Variants in RSF1 observed in about 807,000 individuals in gnomAD.
The protein encoded by RSF1 is remodeling and spacing factor 1.
RSF1 carries 13 observed loss-of-function variants against 145.2 expected under a neutral mutation model. The observed-to-expected ratio is 0.09, with a 90% CI of 0.06 to 0.14. RSF1 has a LOEUF of 0.14. Among genes scored for constraint, RSF1 ranks in the 10% least tolerant of loss-of-function variants. The probability of loss-of-function intolerance (pLI) is 1.00; values close to 1 mark genes in which losing one functional copy is unlikely to be tolerated. For synonymous variants in RSF1, 577 were observed against 592.6 expected (o/e 0.97, Z 0.38); for missense variants, 1,517 against 1,718.2 (o/e 0.88, Z 2.07).
Position 77,702,382 on chromosome 11 carries a change from C to T in RSF1, c.847G>A (p.Glu283Lys), listed in dbSNP as rs1277938303. ...ACTGGCAGTTTCACAAGTTCCTTTT[C>T]ATCTTCTTTTTCTTTTTTCACAGTA... Reference protein sequence around the residue: ...ETTVKKEKEDEKELVKLPVIV... With the variant: ...ETTVKKEKEDKKELVKLPVIV... The change falls in exon 6 of 16, where the codon GAA (glutamate) becomes AAA (lysine). Residue 283 changes from glutamate to lysine, a missense_variant. Transcript: ENST00000308488. 1 of 1,610,040 alleles carries T rather than the reference C, an allele frequency of 6.2e-7. No individual in the cohort carries two copies. The highest frequency in any genetic ancestry group is 8.5e-7 in the Non-Finnish European group (1 of 1,179,188).
intron 1 of RSF1, among the ~76,000 whole-genome samples, chr11:77,800,866 T>TAG (rs1442610390): frequency 6.6e-6 from 1 of 151,664 alleles, no homozygotes; most frequent in African/African-American, 2.4e-5. Context: ...TCTCTTCAAT[T>TAG]AGCTGAGTGT....
At chr11:77,814,133 G>A (rs1161631547) in intron 1 of RSF1, among the ~76,000 whole-genome samples, 1 of 151,858 alleles carries the variant, frequency 6.6e-6, no homozygotes, top group Non-Finnish European at 1.5e-5. Flanking sequence ...CCAGGAGGCA[G>A]AGGTTGTAGT....
At chr11:77,828,262 G>A in the RSF1 span, among the ~76,000 whole-genome samples, 8 of 151,192 alleles carry the variant, frequency 5.3e-5, no homozygotes, top group South Asian at 2.1e-4. Context: ...GTGACAGAGC[G>A]CAACTCTGTC....
the RSF1 span, among the ~76,000 whole-genome samples, chr11:77,846,450 C>T: frequency 6.6e-6 from 1 of 152,158 alleles, no homozygotes; most frequent in South Asian, 2.1e-4. Context: ...GAAACCCCAT[C>T]GTCTCCTCAA....
chr11:77,684,360 G>T (rs1381807681), intron 10 of RSF1, among the ~76,000 whole-genome samples: 1 of 152,020 alleles, frequency 6.6e-6, no homozygotes, highest in Non-Finnish European at 1.5e-5. Flanking sequence ...ACTAATAAAT[G>T]CAAAACAAAG....
intron 1 of RSF1, among the ~76,000 whole-genome samples, chr11:77,806,601 A>G (rs915115832): frequency 2.6e-5 from 4 of 152,086 alleles, no homozygotes; most frequent in Non-Finnish European, 5.9e-5. Flanking sequence ...AGATCACTTG[A>G]GTCCAGGAGT....
intron 11 of RSF1, among the ~76,000 whole-genome samples, chr11:77,678,910 G>C (rs1432567422): frequency 6.6e-6 from 1 of 152,144 alleles, no homozygotes; most frequent in Non-Finnish European, 1.5e-5. Context: ...TTCTAGAACC[G>C]CAAGAAATAA....
intron 5 of RSF1, among the ~76,000 whole-genome samples, chr11:77,709,183 C>A (rs1960621351): frequency 6.6e-6 from 1 of 152,144 alleles, no homozygotes; most frequent in African/African-American, 2.4e-5. Context: ...GGACTCTACT[C>A]AAGTACCAAC....
intron 4 of RSF1, among the ~76,000 whole-genome samples, chr11:77,732,640 C>T (rs1196176834): frequency 6.6e-5 from 10 of 152,104 alleles, no homozygotes; most frequent in Non-Finnish European, 1.3e-4. Flanking sequence ...ATGAGTCTCA[C>T]GAGATCTGAT....
the RSF1 span, among the ~76,000 whole-genome samples, chr11:77,855,712 T>G: frequency 8.5e-6 from 1 of 117,364 alleles, no homozygotes; most frequent in Non-Finnish European, 1.6e-5. Flanking sequence ...TAAGTTCCAG[T>G]TTTATGTCTT....
chr11:77,668,060 C>T (rs1959417733), intron 15 of RSF1, among the ~76,000 whole-genome samples: 1 of 150,484 alleles, frequency 6.6e-6, no homozygotes, highest in Non-Finnish European at 1.5e-5. Context: ...TATCATGGCG[C>T]AAACTAGGCT....
intron 2 of RSF1, among the ~76,000 whole-genome samples, chr11:77,756,209 T>C (rs1317452590): frequency 5.9e-5 from 9 of 151,680 alleles, no homozygotes; most frequent in African/African-American, 1.9e-4. Flanking sequence ...AATACAAAAT[T>C]AGCTGGGCAT....
At chr11:77,798,142 CGATCCCATTACTGGGGTACATACCCAAAG>C (rs1948590810) in intron 1 of RSF1, among the ~76,000 whole-genome samples, 1 of 152,136 alleles carries the variant, frequency 6.6e-6, no homozygotes, top group Non-Finnish European at 1.5e-5. Flanking sequence ...TTTGACCCAG[CGATCCCATTACTGGGGTACATACCCAAAG>C]GATTATAAAT....
intron 5 of RSF1, among the ~76,000 whole-genome samples, chr11:77,709,212 C>CT (rs1184299481): frequency 6.6e-6 from 1 of 152,188 alleles, no homozygotes; most frequent in African/African-American, 2.4e-5. Context: ...GAGTCATTTT[C>CT]TAGCAACTCA....
At chr11:77,712,167 G>C (rs959979457) in intron 5 of RSF1, among the ~76,000 whole-genome samples, 1 of 152,210 alleles carries the variant, frequency 6.6e-6, no homozygotes, top group African/African-American at 2.4e-5. Flanking sequence ...TGTGTCTAGG[G>C]CAGGGCCAGG....
chr11:77,789,027 A>AT (rs1461886644), intron 1 of RSF1, among the ~76,000 whole-genome samples: 1 of 152,184 alleles, frequency 6.6e-6, no homozygotes, highest in Non-Finnish European at 1.5e-5. Context: ...TTTTAAAAAC[A>AT]TTAAAAAAAA....
At chr11:77,683,982 T>C (rs757027406) in intron 10 of RSF1, among the ~76,000 whole-genome samples, 163 bp from the exon 11 acceptor site, 3 of 152,216 alleles carry the variant, frequency 2.0e-5, no homozygotes, top group African/African-American at 7.2e-5. Flanking sequence ...ACACTGAGTA[T>C]ACAGATTAAA....
chr11:77,666,882 G>A lies in RSF1; in HGVS notation c.*35C>T, dbSNP rs1188343870. The A allele has an allele frequency of 2.1e-5, 31 of 1,480,826 alleles. 1 individual carries two copies. The highest frequency in any genetic ancestry group is 1.8e-4 in the Admixed American group (8 of 45,432). The allele number at this position is 1,480,826 out of a possible 1,614,324, so 91.7% of individuals were successfully genotyped here. A position where few individuals can be genotyped will look rare whatever the true frequency, so the allele number is the denominator to read the frequency against. On this transcript the variant is annotated 3_prime_UTR_variant, in exon 16 of 16. Coordinates refer to ENST00000308488, the MANE Select transcript of RSF1 (RefSeq NM_016578.4). ...CTGGCCCGCTGGTGTGAGAGCTACC[G>A]TGGAATAAATTAGCACAAAAATGGA...
At chr11:77,757,978 A>T (rs1050640464) in intron 2 of RSF1, among the ~76,000 whole-genome samples, 2 of 151,854 alleles carry the variant, frequency 1.3e-5, no homozygotes, top group African/African-American at 4.8e-5. Context: ...ATTAAAAATT[A>T]AAAAATTAGC....
Sources: gnomAD v4.1 joint callset for allele counts (sites outside exome capture counted in the v4.1 genomes callset) on GRCh38, gnomAD v4.1.1 for gene constraint, MANE v1.5 for transcripts, NCBI Gene and HGNC (gene_info 2026-07-23, HGNC 2026-07-21) for gene names.